The following SCTR variants were observed in gnomAD, a reference collection of about 807,000 sequenced individuals.
SCTR encodes pancreatic secretin receptor.
Under a neutral mutation model 60.8 loss-of-function variants are expected in SCTR, and 56 were observed. The observed-to-expected ratio is 0.92, with a 90% CI of 0.74 to 1.15. The LOEUF (loss-of-function observed/expected upper bound fraction) is 1.15. Ranked by LOEUF, SCTR falls within the 50% of genes most tolerant of loss-of-function variation. The probability of loss-of-function intolerance (pLI) is 0.00; values close to 1 mark genes in which losing one functional copy is unlikely to be tolerated. For synonymous variants in SCTR, 202 were observed against 217.0 expected, an observed-to-expected ratio of 0.93 and a Z score of 0.61; for missense variants, 562 against 550.4, an observed-to-expected ratio of 1.02 and a Z score of -0.21.
intron 5 of SCTR, among the ~76,000 whole-genome samples, chr2:119,464,812 G>T (rs1293406809): frequency 3.3e-5 from 5 of 152,156 alleles, no homozygotes. Flanking sequence ...TCCCAGAATT[G>T]TTTTGGGGGA....
intron 3 of SCTR, among the ~76,000 whole-genome samples, chr2:119,474,340 A>G (rs1677170147): frequency 6.6e-6 from 1 of 152,178 alleles, no homozygotes; most frequent in African/African-American, 2.4e-5. Flanking sequence ...AGAGGAGAGC[A>G]CTTCCCCACT....
intron 1 of SCTR, among the ~76,000 whole-genome samples, chr2:119,518,558 C>T (rs551160902): frequency 9.9e-5 from 15 of 152,158 alleles, no homozygotes; most frequent in Non-Finnish European, 1.8e-4. Flanking sequence ...TTGGAACAGA[C>T]GCACAATGTA....
chr2:119,504,267 G>A (rs554933517), intron 1 of SCTR, among the ~76,000 whole-genome samples: 7 of 152,248 alleles, frequency 4.6e-5, no homozygotes, highest in East Asian at 1.9e-4. Flanking sequence ...AATGGATCAC[G>A]GGCTTAAATT....
At chr2:119,457,990 T>A (rs1056533166) in intron 7 of SCTR, among the ~76,000 whole-genome samples, 6 of 152,090 alleles carry the variant, frequency 3.9e-5, no homozygotes, top group African/African-American at 1.4e-4. Flanking sequence ...TTGATAAAAA[T>A]AACAATTAAA....
Position 119,479,336 on chromosome 2 carries a change from G to T in SCTR, c.194-418C>A, listed in dbSNP as rs1222312036. 4 of 964,884 alleles carry T rather than the reference G, an allele frequency of 4.1e-6. No homozygotes were observed. The Admixed American group carries it at 2.4e-4, about 58-fold the overall frequency. 59.8% of individuals were successfully genotyped at this position (964,884 alleles called of 1,614,324 possible). A position where few individuals can be genotyped will look rare whatever the true frequency, so the allele number is the denominator to read the frequency against. On this transcript the variant is annotated intron_variant, in intron 2 of 12. Coordinates refer to ENST00000019103, the MANE Select transcript of SCTR (RefSeq NM_002980.3). ...GACTACCTGGGGAGCTTTAGAAATA[G>T]ACCTAGCCGGCGTGGCACACAGGGA...
At chr2:119,498,478 C>A (rs940073175) in intron 1 of SCTR, among the ~76,000 whole-genome samples, 36 of 152,142 alleles carry the variant, frequency 2.4e-4, no homozygotes, top group African/African-American at 8.4e-4. Flanking sequence ...GGTTTTCCTT[C>A]TCTTCAGTTT....
chr2:119,513,405 A>T (rs147799731), intron 1 of SCTR, among the ~76,000 whole-genome samples: 238 of 152,336 alleles, frequency 1.6e-3, no homozygotes, highest in African/African-American at 2.9e-3. Context: ...AAGCATATTT[A>T]AAAAAATTCC....
At chr2:119,444,316 CAT>C (rs1491092070) in intron 11 of SCTR, among the ~76,000 whole-genome samples, 2 of 144,770 alleles carry the variant, frequency 1.4e-5, no homozygotes, top group East Asian at 2.0e-4. Context: ...AATATATACA[CAT>C]ATATACGTAT....
chr2:119,453,769 G>A (rs765154530), intron 7 of SCTR, among the ~76,000 whole-genome samples: 11 of 152,176 alleles, frequency 7.2e-5, no homozygotes, highest in Non-Finnish European at 1.2e-4. Flanking sequence ...GGTGGACACA[G>A]GTCATGAAAG....
At position 119,464,307 on chromosome 2, in the gene SCTR, C is replaced by T. The variant is rs72963126; in HGVS notation, c.504-52G>A. The T allele has an allele frequency of 0.011, 16,853 of 1,598,134 alleles. 1,257 individuals are homozygous for T. In the African/African-American group the frequency reaches 0.18, roughly 17 times the overall value. ...GAGGCCAGAGCCTGAGGGGCTGGGA[C>T]TCAGCCAGGCCCACCTGCCACCAGT... is the stretch of plus-strand genomic sequence containing the variant. On this transcript the variant is annotated intron_variant, in intron 5 of 12. Transcript: ENST00000019103.
intron 1 of SCTR, among the ~76,000 whole-genome samples, chr2:119,506,887 C>T (rs1678758060): frequency 6.6e-6 from 1 of 152,166 alleles, no homozygotes; most frequent in South Asian, 2.1e-4. Context: ...TATAATAGGG[C>T]ACCATGAAGG....
chr2:119,520,992 A>G (rs1009736034), intron 1 of SCTR, among the ~76,000 whole-genome samples: 1 of 152,206 alleles, frequency 6.6e-6, no homozygotes, highest in Admixed American at 6.5e-5. Context: ...TTCTGTTGTC[A>G]CAGCTTTGGA....
At chr2:119,515,336 T>G (rs937834275) in intron 1 of SCTR, among the ~76,000 whole-genome samples, 3 of 152,200 alleles carry the variant, frequency 2.0e-5, no homozygotes, top group African/African-American at 7.2e-5. Flanking sequence ...GCTCTACCAT[T>G]TAAGCAAGAC....
rs73951108 is a variant in SCTR, at chr2:119,462,061, G to A, written c.637-61C>T. 1.9e-3 allele frequency: 2,903 copies of A among 1,510,748 alleles called. 43 individuals are homozygous for A. In the African/African-American group the frequency reaches 0.035, roughly 18 times the overall value. 93.6% of individuals were successfully genotyped at this position (1,510,748 alleles called of 1,614,324 possible). On this transcript the variant is annotated intron_variant, in intron 6 of 12. Coordinates refer to ENST00000019103, the MANE Select transcript of SCTR (RefSeq NM_002980.3). ...GGCAGTGGGGTTCCCTCTGGTGAGT[G>A]GCCCCAAAGGGAGCAACAGGGTGTT...
intron 7 of SCTR, among the ~76,000 whole-genome samples, chr2:119,460,135 G>A (rs1034447720): frequency 6.6e-6 from 1 of 151,510 alleles, no homozygotes; most frequent in African/African-American, 2.4e-5. Flanking sequence ...AGCTCTGCCA[G>A]CTCAGGCAGC....
At chr2:119,449,596 A>G (rs1683067601) in intron 9 of SCTR, among the ~76,000 whole-genome samples, 1 of 152,102 alleles carries the variant, frequency 6.6e-6, no homozygotes, top group African/African-American at 2.4e-5. Context: ...CCCAGTGCCA[A>G]CAACATTAGG....
At chr2:119,506,893 G>A (rs936925094) in intron 1 of SCTR, among the ~76,000 whole-genome samples, 2 of 152,202 alleles carry the variant, frequency 1.3e-5, no homozygotes, top group African/African-American at 4.8e-5. Context: ...AGGGCACCAT[G>A]AAGGGCCCTT....
chr2:119,516,217 CA>C (rs1679111465), intron 1 of SCTR, among the ~76,000 whole-genome samples: 9 of 152,200 alleles, frequency 5.9e-5, no homozygotes. Flanking sequence ...CACTTCTGGT[CA>C]TAAACCCAAA....
intron 3 of SCTR, 58 bp downstream of exon 3, chr2:119,478,753 C>T: frequency 1.3e-6 from 2 of 1,555,428 alleles, no homozygotes; most frequent in Non-Finnish European, 8.8e-7. Flanking sequence ...AAGCTGAGGC[C>T]CCACCCAGAG....
Sources: gnomAD v4.1 joint callset for allele counts (sites outside exome capture counted in the v4.1 genomes callset) on GRCh38, gnomAD v4.1.1 for gene constraint, MANE v1.5 for transcripts, NCBI Gene and HGNC (gene_info 2026-07-23, HGNC 2026-07-21) for gene names.